NUBPL: variants seen among roughly 807,000 people sequenced by gnomAD.
NUBPL encodes the protein NUBP iron-sulfur cluster assembly factor, mitochondrial.
Under a neutral mutation model 45.7 loss-of-function variants are expected in NUBPL, and 31 were observed. That is an observed-to-expected ratio of 0.68 (90% confidence interval 0.51 to 0.92). The LOEUF is 0.92. NUBPL is among the 40% of genes least tolerant of loss of function. The pLI is 0.00. For missense variants in NUBPL, 401 were observed against 398.7 expected, an observed-to-expected ratio of 1.01 and a Z score of -0.05; for synonymous variants, 144 against 140.9, an observed-to-expected ratio of 1.02 and a Z score of -0.15.
chr14:31,561,450 G>A lies in NUBPL; in HGVS notation c.11G>A (p.Trp4Ter). 7.1e-7 allele frequency: 1 copy of A among 1,416,790 alleles called. No individual in the cohort carries two copies. 87.8% of individuals were successfully genotyped at this position (1,416,790 alleles called of 1,614,324 possible). ...GCAGCGTTCCGCGTCATGGGGATTT[G>A]GCAGCGTCTGCTGCTTTTTGGTGGG... MGI[W>*]QRLLLFGGVS... Residue 4 changes from tryptophan to a stop codon, truncating the protein, a stop_gained, in exon 1 of 11, where the codon TGG (tryptophan) becomes TAG (stop). Transcript: ENST00000281081. LOFTEE classifies it high-confidence loss of function.
At chr14:31,641,737 T>C (rs904011815) in intron 4 of NUBPL, among the ~76,000 whole-genome samples, 3 of 152,170 alleles carry the variant, frequency 2.0e-5, no homozygotes, top group Non-Finnish European at 2.9e-5. Flanking sequence ...CTATTTTTAG[T>C]TTTTTAAGGA....
At chr14:31,572,886 C>T (rs2033625434) in intron 3 of NUBPL, among the ~76,000 whole-genome samples, 1 of 152,136 alleles carries the variant, frequency 6.6e-6, no homozygotes. Context: ...GTACTGAATA[C>T]TGTAGACGTT....
chr14:31,813,536 T>A (rs1038097005), intron 7 of NUBPL, among the ~76,000 whole-genome samples: 1 of 149,438 alleles, frequency 6.7e-6, no homozygotes, highest in Non-Finnish European at 1.5e-5. Context: ...CATACATCCA[T>A]ACACACACAC....
At chr14:31,855,933 C>G (rs139214061) in intron 10 of NUBPL, among the ~76,000 whole-genome samples, 1 of 151,960 alleles carries the variant, frequency 6.6e-6, no homozygotes, top group Non-Finnish European at 1.5e-5. Flanking sequence ...TAGAATTTAC[C>G]CCCAGAGTAA....
intron 6 of NUBPL, among the ~76,000 whole-genome samples, chr14:31,728,527 G>A (rs1348944615): frequency 2.0e-5 from 3 of 152,160 alleles, no homozygotes; most frequent in Admixed American, 6.5e-5. Context: ...GATGGTGTCT[G>A]TATAAAGCCT....
intron 6 of NUBPL, among the ~76,000 whole-genome samples, chr14:31,723,765 G>A (rs1437627325): frequency 6.6e-6 from 1 of 152,170 alleles, no homozygotes; most frequent in African/African-American, 2.4e-5. Flanking sequence ...TGCTGTATAG[G>A]AATGCTAGCA....
chr14:31,840,575 C>CAAAA lies in NUBPL; in HGVS notation c.694-5884_694-5881dup, dbSNP rs1179425932. Among the ~76,000 whole-genome samples the CAAAA allele has an allele frequency of 4.8e-4, 44 of 91,040 alleles. 1 individual carries two copies. Among genetic ancestry groups the CAAAA allele is most frequent in the African/African-American group, 1.7e-3 (40 of 23,718 alleles). The allele number at this position is 91,040 out of a possible 152,430, so 59.7% of individuals were successfully genotyped here. Reference sequence around the variant, plus strand: ...GGCAACAGAGCAAGACTCCACATCTCAAAAAAAAAAAAAAAGAAAAAGAAA... The same window carrying CAAAA: ...GGCAACAGAGCAAGACTCCACATCTCAAAAAAAAAAAAAAAAAAAGAAAAAGAAA... On this transcript the variant is annotated intron_variant, in intron 8 of 10. Coordinates refer to ENST00000281081, the MANE Select transcript of NUBPL (RefSeq NM_025152.3).
chr14:31,842,721 A>G (rs2040396089), intron 8 of NUBPL, among the ~76,000 whole-genome samples: 1 of 152,186 alleles, frequency 6.6e-6, no homozygotes. Flanking sequence ...TACAGGCATA[A>G]GCCACCATGC....
intron 6 of NUBPL, among the ~76,000 whole-genome samples, chr14:31,737,064 A>G (rs1236710102): frequency 2.8e-5 from 4 of 145,036 alleles, no homozygotes; most frequent in African/African-American, 1.1e-4. Flanking sequence ...TATTTTGGAT[A>G]TGCGCCCTTT....
At position 31,561,455 on chromosome 14, in the gene NUBPL, C is replaced by A. The variant is rs538184344; in HGVS notation, c.16C>A (p.Arg6Ser). Reference sequence around the variant, plus strand: ...GTTCCGCGTCATGGGGATTTGGCAGCGTCTGCTGCTTTTTGGTGGGGTGTC... The same window carrying A: ...GTTCCGCGTCATGGGGATTTGGCAGAGTCTGCTGCTTTTTGGTGGGGTGTC... The part of the protein sequence containing the change: MGIWQ[R>S]LLLFGGVSLR... Residue 6 changes from arginine to serine, a missense_variant, in exon 1 of 11, where the codon CGT becomes AGT. By Grantham distance (110) the Arg-to-Ser change is moderately radical (BLOSUM62 -1). Transcript: ENST00000281081. The A allele has an allele frequency of 1.4e-6, 2 of 1,417,616 alleles. No individual in the cohort carries two copies. The highest frequency in any genetic ancestry group is 2.7e-5 in the East Asian group (1 of 36,456). The allele number at this position is 1,417,616 out of a possible 1,614,324, so 87.8% of individuals were successfully genotyped here.
At chr14:31,825,211 A>G (rs961429279) in intron 7 of NUBPL, among the ~76,000 whole-genome samples, 1 of 152,126 alleles carries the variant, frequency 6.6e-6, no homozygotes, top group African/African-American at 2.4e-5. Context: ...ATAAACTTCT[A>G]GGACTCAGCC....
At chr14:31,729,554 T>C (rs1374347738) in intron 6 of NUBPL, among the ~76,000 whole-genome samples, 1 of 152,206 alleles carries the variant, frequency 6.6e-6, no homozygotes, top group Non-Finnish European at 1.5e-5. Context: ...AACATATTAC[T>C]TTAGTCATAT....
intron 6 of NUBPL, among the ~76,000 whole-genome samples, chr14:31,768,519 CTTA>C (rs1423294985): frequency 6.6e-6 from 1 of 152,144 alleles, no homozygotes; most frequent in Non-Finnish European, 1.5e-5. Context: ...ACCTCTGGTG[CTTA>C]ACTACCAGTC....
intron 9 of NUBPL, among the ~76,000 whole-genome samples, chr14:31,848,433 C>T (rs1258404758): frequency 6.6e-6 from 1 of 152,190 alleles, no homozygotes; most frequent in Non-Finnish European, 1.5e-5. Context: ...CTGGCAGACT[C>T]TTAATTCAGT....
chr14:31,566,804 G>A (rs1216851174), intron 3 of NUBPL, among the ~76,000 whole-genome samples: 1 of 152,100 alleles, frequency 6.6e-6, no homozygotes, highest in African/African-American at 2.4e-5. Flanking sequence ...CTTGATAAGA[G>A]AAGGATTCAA....
At chr14:31,577,055 G>C (rs576390928) in intron 3 of NUBPL, among the ~76,000 whole-genome samples, 1 of 152,276 alleles carries the variant, frequency 6.6e-6, no homozygotes, top group South Asian at 2.1e-4. Flanking sequence ...TGGATTAGTG[G>C]TTGAAGTAGT....
At chr14:31,722,513 C>A (rs2037832860) in intron 6 of NUBPL, among the ~76,000 whole-genome samples, 1 of 152,116 alleles carries the variant, frequency 6.6e-6, no homozygotes, top group African/African-American at 2.4e-5. Flanking sequence ...TGAGGAATGG[C>A]CACACTTCTT....
At chr14:31,578,051 T>G (rs559154540) in intron 3 of NUBPL, 1 of 1,110,348 alleles carries the variant, frequency 9.0e-7, no homozygotes, top group African/African-American at 1.6e-5. Flanking sequence ...CAGATTACAC[T>G]TTGGCAGAAT....
intron 4 of NUBPL, among the ~76,000 whole-genome samples, chr14:31,608,658 A>G (rs2034669656): frequency 6.6e-6 from 1 of 152,214 alleles, no homozygotes. Flanking sequence ...ATGCAGGGAA[A>G]AAAAGATTTT....
Sources: gnomAD v4.1 joint callset for allele counts (sites outside exome capture counted in the v4.1 genomes callset) on GRCh38, gnomAD v4.1.1 for gene constraint, MANE v1.5 for transcripts, NCBI Gene and HGNC (gene_info 2026-07-23, HGNC 2026-07-21) for gene names.